Variants in RUBCNL observed in about 807,000 individuals in gnomAD.
The protein encoded by RUBCNL is protein associated with UVRAG as autophagy enhancer.
Under a neutral mutation model 69.5 loss-of-function variants are expected in RUBCNL, and 62 were observed. The ratio of observed to expected loss-of-function variants is 0.89; its 90% CI spans 0.73 to 1.10. The LOEUF (loss-of-function observed/expected upper bound fraction) is 1.10. Among genes scored for constraint, RUBCNL ranks in the 50% least tolerant of loss-of-function variants. RUBCNL has a pLI of 0.00. For synonymous variants in RUBCNL, 291 were observed against 303.6 expected (o/e 0.96, Z 0.43); for missense variants, 768 against 798.1 (o/e 0.96, Z 0.45).
At chr13:46,344,989 C>CA (rs1197151354) in intron 13 of RUBCNL, among the ~76,000 whole-genome samples, 158 bp from the exon 14 acceptor site, 3 of 151,772 alleles carry the variant, frequency 2.0e-5, no homozygotes, top group East Asian at 1.9e-4. Flanking sequence ...GGGTCAGAAT[C>CA]AAAAAAAAGA....
At chr13:46,348,757 C>A (rs57881980) in intron 12 of RUBCNL, among the ~76,000 whole-genome samples, 13,760 of 152,098 alleles carry the variant, frequency 0.09, 1,410 homozygotes, top group East Asian at 0.33. Flanking sequence ...GCATGCAGCA[C>A]CACGCCTAGC....
intron 8 of RUBCNL, among the ~76,000 whole-genome samples, chr13:46,360,785 G>C (rs2048593430): frequency 6.6e-6 from 1 of 152,226 alleles, no homozygotes; most frequent in African/African-American, 2.4e-5. Flanking sequence ...TGTTCCATGA[G>C]GGAACCAACA....
At chr13:46,381,769 A>G (rs1050091429) in intron 1 of RUBCNL, among the ~76,000 whole-genome samples, 1 of 151,990 alleles carries the variant, frequency 6.6e-6, no homozygotes, top group Non-Finnish European at 1.5e-5. Flanking sequence ...TTTAGTAGAG[A>G]CAGGGTTTCT....
In RUBCNL at chr13:46,343,425, C is replaced by T. The variant is rs946907801; in HGVS notation, c.1949G>A (p.Arg650Lys). Reference protein sequence around the residue: ...ECPRCARITARRKLLESVASA... With the variant: ...ECPRCARITAKRKLLESVASA... ...GGCCACACTTTCCAGAAGTTTTCTC[C>T]TCGCTGTGATCCTCGCACACCGGGG... The change falls in exon 15 of 15, where the codon AGG (arginine) becomes AAG (lysine). Residue 650 changes from arginine (R) to lysine (K), a missense_variant. Transcript: ENST00000429979. 33 of 1,613,784 alleles carry T rather than the reference C, an allele frequency of 2.0e-5. No homozygotes were observed. Among genetic ancestry groups the T allele is most frequent in the Non-Finnish European group, 2.8e-5 (33 of 1,179,860 alleles).
At chr13:46,344,272 G>A (rs757391932) in intron 14 of RUBCNL, among the ~76,000 whole-genome samples, 1 of 152,126 alleles carries the variant, frequency 6.6e-6, no homozygotes, top group Admixed American at 6.5e-5. Context: ...TACAGAACAC[G>A]GGATTCTCTC....
intron 5 of RUBCNL, among the ~76,000 whole-genome samples, chr13:46,363,792 C>T (rs1326875443): frequency 6.7e-6 from 1 of 149,876 alleles, no homozygotes; most frequent in Non-Finnish European, 1.5e-5. Flanking sequence ...GCCTGGGAGG[C>T]GGAGATTGTA....
chr13:46,368,318 A>C, intron 4 of RUBCNL, 69 bp from the exon 5 acceptor site: 1 of 1,489,464 alleles, frequency 6.7e-7, no homozygotes. Flanking sequence ...ATTAGATTTG[A>C]AAAATCAATA....
chr13:46,372,823 G>T (rs183449770), intron 2 of RUBCNL, among the ~76,000 whole-genome samples: 1 of 152,136 alleles, frequency 6.6e-6, no homozygotes, highest in Admixed American at 6.5e-5. Context: ...ATTCTTCAAA[G>T]CATAAAATTA....
At chr13:46,379,432 CCAGTGGCAATAAT>C (rs1376075719) in intron 1 of RUBCNL, among the ~76,000 whole-genome samples, 2 of 152,180 alleles carry the variant, frequency 1.3e-5, no homozygotes, top group African/African-American at 2.4e-5. Context: ...AGAACCCAGA[CCAGTGGCAATAAT>C]AGGTGTTCAA....
intron 1 of RUBCNL, chr13:46,385,369 G>C: frequency 2.0e-6 from 1 of 496,908 alleles, no homozygotes; most frequent in Non-Finnish European, 2.6e-6. Flanking sequence ...ATGACTAACA[G>C]GCACTAATAT....
chr13:46,349,451 T>A, intron 11 of RUBCNL, 104 bp from the exon 12 acceptor site: 1 of 1,139,658 alleles, frequency 8.8e-7, no homozygotes, highest in South Asian at 1.3e-5. Context: ...AATGCTGCAC[T>A]TGTATAAAAC....
At chr13:46,377,395 C>G (rs2049018253) in intron 2 of RUBCNL, among the ~76,000 whole-genome samples, 1 of 152,170 alleles carries the variant, frequency 6.6e-6, no homozygotes, top group Admixed American at 6.5e-5. Flanking sequence ...TCCCTAGCAG[C>G]TGGGATTACA....
At position 46,362,922 on chromosome 13, in the gene RUBCNL, T is replaced by C. The variant is rs1358594732; in HGVS notation, c.925+193A>G. Reference sequence around the variant, plus strand: ...TATCCAGACATTTGAAACAAGAACATCATATATATATATATAGATATATAT... The same window carrying C: ...TATCCAGACATTTGAAACAAGAACACCATATATATATATATAGATATATAT... On this transcript the variant is annotated intron_variant, in intron 6 of 14. Transcript: ENST00000429979. 5.1e-5 allele frequency among the ~76,000 whole-genome samples: 3 copies of C among 58,792 alleles called. 1 individual carries two copies. Among genetic ancestry groups the C allele is most frequent in the Non-Finnish European group, 9.0e-5 (3 of 33,464 alleles). The allele number at this position is 58,792 out of a possible 152,430, so 38.6% of individuals were successfully genotyped here. A position where few individuals can be genotyped will look rare whatever the true frequency, so the allele number is the denominator to read the frequency against.
chr13:46,347,915 C>A (rs897105750), intron 12 of RUBCNL, among the ~76,000 whole-genome samples: 3 of 152,090 alleles, frequency 2.0e-5, no homozygotes, highest in Non-Finnish European at 2.9e-5. Context: ...CTGGCGTGAA[C>A]CCGGGAGGCG....
intron 1 of RUBCNL, among the ~76,000 whole-genome samples, chr13:46,383,185 A>C (rs1051642920): frequency 6.6e-6 from 1 of 152,160 alleles, no homozygotes; most frequent in Non-Finnish European, 1.5e-5. Context: ...ATTCCCGTTT[A>C]AGTTTTCTAA....
intron 2 of RUBCNL, among the ~76,000 whole-genome samples, chr13:46,375,674 G>A (rs1379531373): frequency 2.0e-5 from 3 of 152,192 alleles, no homozygotes; most frequent in Non-Finnish European, 2.9e-5. Context: ...AATAATAAAA[G>A]TTCAGTAGAC....
intron 13 of RUBCNL, 31 bp downstream of exon 13, chr13:46,345,416 G>C (rs376163783): frequency 6.5e-7 from 1 of 1,549,270 alleles, no homozygotes; most frequent in Middle Eastern, 1.7e-4. Context: ...CTGGTGCATC[G>C]GGAACGAATC....
chr13:46,354,791 G>A (rs2048446445), intron 10 of RUBCNL: 2 of 456,554 alleles, frequency 4.4e-6, no homozygotes, highest in Non-Finnish European at 8.8e-6. Context: ...TTCCCTAAAA[G>A]ATGATAAGCA....
At position 46,341,461 on chromosome 13, in the gene RUBCNL, C is replaced by T. The variant is rs964728681; in HGVS notation, c.*1924G>A. Among the ~76,000 whole-genome samples the T allele has an allele frequency of 5.9e-5, 9 of 152,176 alleles. No individual in the cohort carries two copies. The highest frequency in any genetic ancestry group is 2.2e-4 in the African/African-American group (9 of 41,432). ...GAGAGGAACAAAGTCTCAGACAAAT[C>T]CCATACTGCAGTTATTTAAATGACC... On this transcript the variant is annotated 3_prime_UTR_variant, in exon 15 of 15. Coordinates refer to ENST00000429979, the MANE Select transcript of RUBCNL (RefSeq NM_025113.5).
Sources: allele counts gnomAD v4.1 joint callset (sites outside exome capture counted in the v4.1 genomes callset), GRCh38; gene constraint gnomAD v4.1.1; transcripts MANE v1.5; gene names NCBI Gene and HGNC (gene_info 2026-07-23, HGNC 2026-07-21).